Variants in BOC observed in about 807,000 individuals in gnomAD.
The protein encoded by BOC is BOC cell adhesion associated, oncogene regulated.
BOC carries 76 observed loss-of-function variants against 112.0 expected under a neutral mutation model. That is an observed-to-expected ratio of 0.68 (90% CI 0.56 to 0.82). The LOEUF (loss-of-function observed/expected upper bound fraction) is 0.82, where lower values mean the gene tolerates loss of function less well. BOC is among the 40% of genes least tolerant of loss of function. BOC has a pLI of 0.00. For missense variants in BOC, 1,309 were observed against 1,511.7 expected (o/e 0.87, Z 2.22); for synonymous variants, 580 against 599.8 (o/e 0.97, Z 0.48).
intron 9 of BOC, among the ~76,000 whole-genome samples, chr3:113,277,468 C>T (rs534087017): frequency 2.6e-5 from 4 of 152,270 alleles, no homozygotes; most frequent in South Asian, 4.2e-4. Flanking sequence ...GTCAAGTCAC[C>T]GTTTTGGTGC....
chr3:113,272,336 A>G (rs1948205152), intron 6 of BOC, 74 bp from the exon 7 acceptor site: 1 of 1,518,968 alleles, frequency 6.6e-7, no homozygotes, highest in Admixed American at 1.7e-5. Context: ...GCTCTCTGGG[A>G]CTGCCTCCTG....
chr3:113,286,390 C>T (rs897900046), intron 19 of BOC, among the ~76,000 whole-genome samples: 3 of 152,140 alleles, frequency 2.0e-5, no homozygotes, highest in African/African-American at 7.2e-5. Flanking sequence ...CTTCCTTCTG[C>T]GTTTCACGGG....
rs566778081 is a variant in BOC, at chr3:113,265,870, C to G, written c.377-2429C>G. Among the ~76,000 whole-genome samples, 4 of 152,342 alleles carry G rather than the reference C, an allele frequency of 2.6e-5. No homozygotes were observed. In the East Asian group the frequency reaches 7.7e-4, roughly 29 times the overall value. ...GCAGGTTGCACACCCATCAAGCTGG[C>G]CTTGGGCTCAGCCTTCCAAACTGTA... On this transcript the variant is annotated intron_variant, in intron 4 of 19. Transcript: ENST00000682979.
At chr3:113,211,284 G>A (rs1034863372), upstream of BOC, 6 of 152,536 alleles carry the variant, frequency 3.9e-5, no homozygotes, top group South Asian at 4.2e-4. Flanking sequence ...TGGGTTCGGG[G>A]AAAAGGGAGA....
intron 5 of BOC, chr3:113,270,575 T>C: frequency 2.0e-6 from 1 of 507,822 alleles, no homozygotes; most frequent in South Asian, 3.1e-5. Context: ...GTCTGTTAGC[T>C]GGTTGGTTAG....
At chr3:113,226,953 A>C (rs1180752737) in intron 2 of BOC, among the ~76,000 whole-genome samples, 2 of 152,222 alleles carry the variant, frequency 1.3e-5, no homozygotes, top group African/African-American at 4.8e-5. Flanking sequence ...ATTGAGCACT[A>C]TGCCTACTGC....
Position 113,287,041 on chromosome 3 carries a change from C to T in BOC, c.*179C>T, listed in dbSNP as rs772922229. Reference sequence around the variant, plus strand: ...CTGGAGAGACATAAGGAGTCCTACCCGTTGAGGTTGGAGAGGGAAAATAAA... The same window carrying T: ...CTGGAGAGACATAAGGAGTCCTACCTGTTGAGGTTGGAGAGGGAAAATAAA... On this transcript the variant is annotated 3_prime_UTR_variant, in exon 20 of 20. Coordinates refer to ENST00000682979, the MANE Select transcript of BOC (RefSeq NM_001378074.1). 7.8e-6 allele frequency: 6 copies of T among 765,532 alleles called. No individual in the cohort carries two copies. Among genetic ancestry groups the T allele is most frequent in the South Asian group, 1.5e-5 (1 of 68,756 alleles). The allele number at this position is 765,532 out of a possible 1,614,324, so 47.4% of individuals were successfully genotyped here.
intron 2 of BOC, among the ~76,000 whole-genome samples, chr3:113,227,313 G>T (rs369413424): frequency 6.6e-6 from 1 of 152,198 alleles, no homozygotes; most frequent in Non-Finnish European, 1.5e-5. Context: ...AGGCCTCTGC[G>T]CATGGTTGGT....
intron 2 of BOC, among the ~76,000 whole-genome samples, chr3:113,245,735 T>C (rs1944841490): frequency 6.6e-6 from 1 of 152,258 alleles, no homozygotes; most frequent in Non-Finnish European, 1.5e-5. Flanking sequence ...GATCGTATTC[T>C]TGCCACTTGA....
intron 4 of BOC, among the ~76,000 whole-genome samples, chr3:113,254,785 A>G (rs1180332149): frequency 6.6e-6 from 1 of 152,178 alleles, no homozygotes; most frequent in Non-Finnish European, 1.5e-5. Flanking sequence ...TAGAAGGGTC[A>G]TGGGGCTATA....
intron 4 of BOC, among the ~76,000 whole-genome samples, chr3:113,257,845 G>A (rs1046224875): frequency 6.6e-6 from 1 of 152,166 alleles, no homozygotes; most frequent in Non-Finnish European, 1.5e-5. Flanking sequence ...AAACAGCAAA[G>A]CACTCATTCT....
intron 19 of BOC, among the ~76,000 whole-genome samples, chr3:113,286,014 A>G (rs34284771): frequency 0.2 from 30,064 of 152,116 alleles, 3,680 homozygotes; most frequent in East Asian, 0.44. Flanking sequence ...TCTTACAAAC[A>G]TCATCATCAT....
At chr3:113,251,091 C>T in intron 4 of BOC, 1 of 601,550 alleles carries the variant, frequency 1.7e-6, no homozygotes, top group South Asian at 2.0e-5. Context: ...CAGTGCATGG[C>T]AGAACTTGAC....
intron 18 of BOC, among the ~76,000 whole-genome samples, 155 bp from the exon 19 acceptor site, chr3:113,285,217 G>A (rs922730523): frequency 6.6e-6 from 1 of 152,234 alleles, no homozygotes; most frequent in Non-Finnish European, 1.5e-5. Context: ...TGATGGTGTG[G>A]TACCTCTTGA....
In BOC at chr3:113,284,561, T is replaced by C; in HGVS notation, c.2883T>C (p.Leu961=). 1 of 1,611,916 alleles carries C rather than the reference T, an allele frequency of 6.2e-7. No individual in the cohort carries two copies. Among genetic ancestry groups the C allele is most frequent in the Non-Finnish European group, 8.5e-7 (1 of 1,178,932 alleles). ...CCCAGCAGCACTGCCCAGGCGAGCT[T>C]CAGCAGGTAGCGCATTCTTGGGTGT... ...MKPQQHCPGE[L]QQQSDTSSLL... Residue 961 remains leucine (L), a synonymous_variant, in exon 17 of 20, where the codon CTT becomes CTC. Coordinates refer to ENST00000682979, the MANE Select transcript of BOC (RefSeq NM_001378074.1).
At chr3:113,254,588 G>A (rs147361682) in intron 4 of BOC, among the ~76,000 whole-genome samples, 16 of 152,224 alleles carry the variant, frequency 1.1e-4, no homozygotes, top group Admixed American at 9.2e-4. Flanking sequence ...CCGAAGGCAC[G>A]GTCTGCATTT....
At chr3:113,246,023 G>T (rs1944883665) in intron 2 of BOC, among the ~76,000 whole-genome samples, 2 of 152,170 alleles carry the variant, frequency 1.3e-5, no homozygotes, top group African/African-American at 2.4e-5. Context: ...TCAGTTGTTT[G>T]TAATTTTCTC....
Position 113,272,610 on chromosome 3 carries a change from A to G in BOC, c.868A>G (p.Ser290Gly), listed in dbSNP as rs750974960. Residue 290 changes from serine to glycine, a missense_variant, in exon 7 of 20, where the codon AGC becomes GGC. By Grantham distance (56) the Ser-to-Gly change is moderately conservative. Transcript: ENST00000682979. The stretch of plus-strand genomic sequence containing the variant: ...GAGCAACCTCCTCATCGACACCACC[A>G]GCGAGGAGGACTCAGGCACCTACCG... ...LLSNLLIDTTSEEDSGTYRCM... is the reference protein window; with the variant it reads ...LLSNLLIDTTGEEDSGTYRCM... 2 of 1,613,800 alleles carry G rather than the reference A, an allele frequency of 1.2e-6. No homozygotes were observed. Among genetic ancestry groups the G allele is most frequent in the Admixed American group, 3.3e-5 (2 of 59,978 alleles).
chr3:113,243,747 CAAGAGGCCCAGTT>C (rs1254955835), intron 2 of BOC, among the ~76,000 whole-genome samples: 1 of 152,194 alleles, frequency 6.6e-6, no homozygotes, highest in African/African-American at 2.4e-5. Flanking sequence ...GTACATACCT[CAAGAGGCCCAGTT>C]TCAAATCCCA....
Sources: gnomAD v4.1 joint callset for allele counts (sites outside exome capture counted in the v4.1 genomes callset) on GRCh38, gnomAD v4.1.1 for gene constraint, MANE v1.5 for transcripts, NCBI Gene and HGNC (gene_info 2026-07-23, HGNC 2026-07-21) for gene names.